The following ZNF131 variants were observed in gnomAD, a reference collection of about 807,000 sequenced individuals.
ZNF131 encodes zinc finger protein 131.
Under a neutral mutation model 60.0 loss-of-function variants are expected in ZNF131, and 7 were observed. That is an observed-to-expected ratio of 0.12 (90% CI 0.07 to 0.22). ZNF131 has a LOEUF of 0.22. ZNF131 is among the 10% of genes least tolerant of loss of function. The pLI is 1.00. For missense variants in ZNF131, 493 were observed against 740.9 expected, an observed-to-expected ratio of 0.67 and a Z score of 3.88; for synonymous variants, 257 against 253.2, an observed-to-expected ratio of 1.01 and a Z score of -0.14.
intron 3 of ZNF131, among the ~76,000 whole-genome samples, chr5:43,132,819 G>A (rs978984771): frequency 1.3e-5 from 2 of 152,070 alleles, no homozygotes; most frequent in African/African-American, 4.8e-5. Context: ...AGCCAGGAAC[G>A]TTTCTTTACA....
At position 43,121,933 on chromosome 5, in the gene ZNF131, C is replaced by CT. The variant is rs537825460; in HGVS notation, c.-15-106_-15-105insT. 1.1e-4 allele frequency: 134 copies of CT among 1,240,330 alleles called. 5 individuals carry two copies. In the South Asian group the frequency reaches 2.1e-3, roughly 20 times the overall value. 76.8% of individuals were successfully genotyped at this position (1,240,330 alleles called of 1,614,324 possible). Reference sequence around the variant, plus strand: ...TCTCTCCTCTTGCTTCACCCTCCCCCCTTCTTTTCACGTTGCTGGTTTTTT... The same window carrying CT: ...TCTCTCCTCTTGCTTCACCCTCCCCCTCTTCTTTTCACGTTGCTGGTTTTTT... On this transcript the variant is annotated intron_variant, in intron 1 of 6. Coordinates refer to ENST00000682664, the MANE Select transcript of ZNF131 (RefSeq NM_001330707.2).
chr5:43,134,974 G>T (rs1408053820), intron 3 of ZNF131, among the ~76,000 whole-genome samples: 3 of 150,540 alleles, frequency 2.0e-5, no homozygotes, highest in Non-Finnish European at 4.4e-5. Flanking sequence ...TTGGATTGCA[G>T]GCATGAGCCA....
chr5:43,169,633 G>GTA (rs1309825783), intron 5 of ZNF131, among the ~76,000 whole-genome samples: 1 of 152,092 alleles, frequency 6.6e-6, no homozygotes, highest in Non-Finnish European at 1.5e-5. Context: ...TAATCTATGG[G>GTA]TATATCATCA....
chr5:43,153,773 G>A (rs914768322), intron 4 of ZNF131, among the ~76,000 whole-genome samples: 14 of 152,112 alleles, frequency 9.2e-5, no homozygotes, highest in African/African-American at 3.4e-4. Context: ...CCCTTTCTAG[G>A]GACAGCTAAA....
At chr5:43,132,677 A>C (rs1400761230) in intron 3 of ZNF131, among the ~76,000 whole-genome samples, 1 of 151,816 alleles carries the variant, frequency 6.6e-6, no homozygotes, top group Non-Finnish European at 1.5e-5. Flanking sequence ...CACCCGGCTA[A>C]TTTTGTTATA....
At chr5:43,169,795 CT>C (rs199970490) in intron 5 of ZNF131, among the ~76,000 whole-genome samples, 268 of 142,450 alleles carry the variant, frequency 1.9e-3, no homozygotes, top group Non-Finnish European at 2.1e-3. Context: ...GCACTTTTTT[CT>C]TTTTTTTTTT....
chr5:43,174,198 A>T (rs1206741809), intron 6 of ZNF131, among the ~76,000 whole-genome samples: 1 of 152,254 alleles, frequency 6.6e-6, no homozygotes, highest in African/African-American at 2.4e-5. Flanking sequence ...ATTGCACTCC[A>T]GCCTGGGCAA....
chr5:43,134,769 C>T (rs1228540334), intron 3 of ZNF131, among the ~76,000 whole-genome samples: 11 of 140,114 alleles, frequency 7.9e-5, no homozygotes, highest in Admixed American at 1.6e-4. Context: ...GGCGTGACCT[C>T]GGCTCACTGC....
intron 1 of ZNF131, 141 bp from the exon 2 acceptor site, chr5:43,121,898 C>T (rs1370375586): frequency 9.5e-6 from 9 of 949,964 alleles, no homozygotes; most frequent in African/African-American, 1.7e-5. Flanking sequence ...CGCCTTTCTT[C>T]CCTCGCCTTT....
chr5:43,141,438 A>T (rs1021871545), intron 4 of ZNF131, among the ~76,000 whole-genome samples: 1 of 152,130 alleles, frequency 6.6e-6, no homozygotes, highest in Admixed American at 6.6e-5. Context: ...GCTGCTCATG[A>T]TAGTGAGTGG....
At chr5:43,136,362 A>T (rs938098961) in intron 3 of ZNF131, among the ~76,000 whole-genome samples, 3 of 151,646 alleles carry the variant, frequency 2.0e-5, no homozygotes, top group Admixed American at 2.0e-4. Flanking sequence ...TCCTGATGGA[A>T]TTTTTTTTGT....
At chr5:43,129,081 C>T (rs1407682290) in intron 3 of ZNF131, among the ~76,000 whole-genome samples, 5 of 152,050 alleles carry the variant, frequency 3.3e-5, no homozygotes, top group African/African-American at 1.2e-4. Flanking sequence ...TTAAGGCTCC[C>T]ACCACCATGC....
At chr5:43,123,361 ATT>A in intron 3 of ZNF131, 51 bp downstream of exon 3, 1 of 1,470,266 alleles carries the variant, frequency 6.8e-7, no homozygotes, top group Non-Finnish European at 9.3e-7. Context: ...AAGCCATTTT[ATT>A]TAAATGCTTG....
intron 4 of ZNF131, among the ~76,000 whole-genome samples, chr5:43,154,227 C>T (rs1454361751): frequency 6.6e-6 from 1 of 151,984 alleles, no homozygotes; most frequent in Non-Finnish European, 1.5e-5. Context: ...GTCTGACCAA[C>T]GTGGTGAAAT....
At chr5:43,138,050 TTGAA>T (rs1746350014) in intron 3 of ZNF131, among the ~76,000 whole-genome samples, 1 of 152,090 alleles carries the variant, frequency 6.6e-6, no homozygotes, top group African/African-American at 2.4e-5. Flanking sequence ...CTCAAATAGA[TTGAA>T]AGAGTGGAAT....
rs548463678 is a variant in ZNF131, at chr5:43,171,076, C to A, written c.1055-2242C>A. Among the ~76,000 whole-genome samples, 4 of 152,050 alleles carry A rather than the reference C, an allele frequency of 2.6e-5. No homozygotes were observed. The South Asian group carries it at 6.2e-4, about 24-fold the overall frequency. ...TCTCGTACCTCAGCCTCCCAAGTAG[C>A]TGGGATTACAGGTGCCTGCCACCAC... On this transcript the variant is annotated intron_variant, in intron 5 of 6. Transcript: ENST00000682664.
At position 43,174,669 on chromosome 5, in the gene ZNF131, A is replaced by C. The variant is rs749419354; in HGVS notation, c.1408A>C (p.Thr470Pro). 7.1e-5 allele frequency: 115 copies of C among 1,614,078 alleles called. No individual in the cohort carries two copies. Among genetic ancestry groups the C allele is most frequent in the Non-Finnish European group, 9.5e-5 (112 of 1,180,040 alleles). ...RVQTEPVTSM[T>P]IIEQVGKVHV... ...GCAAACTGAACCTGTAACATCAATG[A>C]CTATTATAGAACAAGTTGGGAAGGT... is the stretch of plus-strand genomic sequence containing the variant. The change falls in exon 7 of 7, where the codon ACT becomes CCT. Residue 470 changes from threonine (T) to proline (P), a missense_variant. This residue lies in a region of ZNF131 where 202 missense variants were observed against 221.3 expected (regional missense o/e 0.91). Transcript: ENST00000682664.
intron 3 of ZNF131, among the ~76,000 whole-genome samples, chr5:43,129,376 G>T (rs144290525): frequency 6.6e-6 from 1 of 151,520 alleles, no homozygotes; most frequent in Non-Finnish European, 1.5e-5. Flanking sequence ...CCAGCCCTTG[G>T]TACCAGTACT....
chr5:43,121,544 G>C (rs1289142371), intron 1 of ZNF131: 1 of 152,842 alleles, frequency 6.5e-6, no homozygotes, highest in African/African-American at 2.4e-5. Context: ...TGACGCGCAA[G>C]CCTGGGCCGC....
Sources: allele counts gnomAD v4.1 joint callset (sites outside exome capture counted in the v4.1 genomes callset), GRCh38; gene constraint gnomAD v4.1.1; regional missense constraint gnomAD v4.1.1; transcripts MANE v1.5; gene names NCBI Gene and HGNC (gene_info 2026-07-23, HGNC 2026-07-21).